Variants in ZC3H12B observed in about 807,000 individuals in gnomAD.
The protein encoded by ZC3H12B is zinc finger CCCH-type containing 12B, also known as probable ribonuclease ZC3H12B.
ZC3H12B carries 7 observed loss-of-function variants against 43.9 expected under a neutral mutation model. That is an observed-to-expected ratio of 0.16 (90% CI 0.09 to 0.30). ZC3H12B has a LOEUF of 0.30. Among genes scored for constraint, ZC3H12B ranks in the 10% least tolerant of loss-of-function variants. ZC3H12B has a pLI of 1.00. For missense variants in ZC3H12B, 475 were observed against 670.2 expected (o/e 0.71, Z 3.22); for synonymous variants, 222 against 241.7 (o/e 0.92, Z 0.76).
chrX:65,099,992 G>T, the ZC3H12B span, among the ~76,000 whole-genome samples: 1 of 111,672 alleles, frequency 9.0e-6, no homozygotes, highest in Non-Finnish European at 1.9e-5. Context: ...TTCACAAAAG[G>T]TTACAGAAAC....
the ZC3H12B span, among the ~76,000 whole-genome samples, chrX:65,043,986 A>C: frequency 9.0e-6 from 1 of 111,665 alleles, no homozygotes; most frequent in African/African-American, 3.3e-5. Context: ...GGCACTAGGG[A>C]TACAGTGGTA....
At chrX:65,344,413 G>A in the ZC3H12B span, among the ~76,000 whole-genome samples, 2 of 111,442 alleles carry the variant, frequency 1.8e-5, no homozygotes, top group African/African-American at 6.5e-5. Flanking sequence ...CAGAAATAAG[G>A]CTGCACACCT....
At chrX:65,404,176 G>A (rs1296734842) in intron 3 of ZC3H12B, among the ~76,000 whole-genome samples, 2 of 111,261 alleles carry the variant, frequency 1.8e-5, no homozygotes, top group Admixed American at 1.9e-4. Context: ...TAGTTACCGG[G>A]TTATAAGATA....
the ZC3H12B span, among the ~76,000 whole-genome samples, chrX:65,037,952 A>T: frequency 9.0e-6 from 1 of 111,053 alleles, no homozygotes; most frequent in East Asian, 2.8e-4. Flanking sequence ...TGACAACATC[A>T]ATGTTTAAAC....
the ZC3H12B span, among the ~76,000 whole-genome samples, chrX:65,326,304 C>T: frequency 4.5e-5 from 5 of 111,317 alleles, no homozygotes; most frequent in African/African-American, 1.6e-4. Context: ...ATAAAGAACC[C>T]AATGAACTCC....
the ZC3H12B span, among the ~76,000 whole-genome samples, chrX:65,329,889 T>C: frequency 9.0e-6 from 1 of 111,446 alleles, no homozygotes. Context: ...GAGGGCTCTG[T>C]TCTGTTCCAT....
the ZC3H12B span, among the ~76,000 whole-genome samples, chrX:65,168,887 C>T: frequency 9.0e-6 from 1 of 111,373 alleles, no homozygotes; most frequent in African/African-American, 3.3e-5. Flanking sequence ...ATGGTGATAT[C>T]CCCTTTATCA....
At chrX:65,055,706 T>C in the ZC3H12B span, among the ~76,000 whole-genome samples, 1 of 111,352 alleles carries the variant, frequency 9.0e-6, no homozygotes, top group Admixed American at 9.5e-5. Context: ...AGCTTTGAAT[T>C]CTTCTGGTCC....
intron 3 of ZC3H12B, among the ~76,000 whole-genome samples, chrX:65,410,004 G>T (rs775919687): frequency 3.0e-4 from 32 of 107,064 alleles, no homozygotes; most frequent in African/African-American, 9.7e-4. Context: ...AATAGCCAAA[G>T]TTATCCTATG....
intron 2 of ZC3H12B, among the ~76,000 whole-genome samples, chrX:65,385,608 T>C (rs1163757710): frequency 8.9e-6 from 1 of 112,059 alleles, no homozygotes; most frequent in African/African-American, 3.2e-5. Context: ...ACAATTTGAC[T>C]TCCTCTTTTC....
At chrX:65,294,240 G>A in the ZC3H12B span, among the ~76,000 whole-genome samples, 3 of 111,577 alleles carry the variant, frequency 2.7e-5, no homozygotes, top group African/African-American at 6.5e-5. Flanking sequence ...CAAGAATTTT[G>A]TATTCGGCAA....
chrX:65,500,214 TTGTGACAATAGTACA>T (rs2068345496), intron 4 of ZC3H12B, among the ~76,000 whole-genome samples: 1 of 112,464 alleles, frequency 8.9e-6, no homozygotes, highest in Admixed American at 9.4e-5. Context: ...TAGTTGTCAC[TTGTGACAATAGTACA>T]TGTGTTCTAC....
At chrX:65,276,144 CAAAA>C in the ZC3H12B span, among the ~76,000 whole-genome samples, 9 of 109,440 alleles carry the variant, frequency 8.2e-5, no homozygotes, top group Admixed American at 2.0e-4. Flanking sequence ...CACAGGCAGA[CAAAA>C]AAGCAAGAAA....
intron 3 of ZC3H12B, among the ~76,000 whole-genome samples, chrX:65,448,979 G>GAAAA (rs1158285090): frequency 0.51 from 10,776 of 21,338 alleles, 2,527 homozygotes; most frequent in African/African-American, 0.54. Flanking sequence ...AAGAAAGAAA[G>GAAAA]AGAAAGAAAG....
intron 3 of ZC3H12B, among the ~76,000 whole-genome samples, chrX:65,476,124 A>G (rs944494623): frequency 3.6e-4 from 40 of 112,162 alleles, no homozygotes; most frequent in African/African-American, 1.2e-3. Context: ...TTCTTTTCAC[A>G]TCATGGATCT....
At chrX:65,342,782 G>T in the ZC3H12B span, among the ~76,000 whole-genome samples, 6 of 104,993 alleles carry the variant, frequency 5.7e-5, no homozygotes, top group Non-Finnish European at 7.8e-5. Context: ...CAAACCCAAA[G>T]CTAACAGAAG....
chrX:65,379,895 G>A (rs1229171164), intron 2 of ZC3H12B, among the ~76,000 whole-genome samples: 1 of 111,498 alleles, frequency 9.0e-6, no homozygotes, highest in Non-Finnish European at 1.9e-5. Context: ...AGTGAGAAGG[G>A]AAATTTAGAG....
chrX:65,239,513 G>T, the ZC3H12B span, among the ~76,000 whole-genome samples: 1 of 110,403 alleles, frequency 9.1e-6, no homozygotes, highest in Admixed American at 9.6e-5. Flanking sequence ...GCATACTGAT[G>T]GGTCTTGACT....
the ZC3H12B span, among the ~76,000 whole-genome samples, chrX:65,353,137 C>T: frequency 4.5e-5 from 5 of 111,577 alleles, no homozygotes; most frequent in East Asian, 1.4e-3. Context: ...AGATTACAGA[C>T]ATGATCCACT....
Sources: gnomAD v4.1 joint callset for allele counts (sites outside exome capture counted in the v4.1 genomes callset) on GRCh38, gnomAD v4.1.1 for gene constraint, MANE v1.5 for transcripts, NCBI Gene and HGNC (gene_info 2026-07-23, HGNC 2026-07-21) for gene names.